Variants in IFT74 observed in about 807,000 individuals in gnomAD.
IFT74 encodes intraflagellar transport protein 74 homolog.
Under a neutral mutation model 96.7 loss-of-function variants are expected in IFT74, and 92 were observed. The ratio of observed to expected loss-of-function variants is 0.95; its 90% confidence interval spans 0.80 to 1.13. The LOEUF (loss-of-function observed/expected upper bound fraction) is 1.13. Ranked by LOEUF, IFT74 falls within the 50% of genes most tolerant of loss-of-function variation. The probability of loss-of-function intolerance (pLI) is 0.00; values close to 1 mark genes in which losing one functional copy is unlikely to be tolerated. For synonymous variants in IFT74, 223 were observed against 213.2 expected, an observed-to-expected ratio of 1.05 and a Z score of -0.40; for missense variants, 811 against 698.2, an observed-to-expected ratio of 1.16 and a Z score of -1.82.
rs942624958 is a variant in IFT74 at position 27,064,376 on chromosome 9, A to G, written c.*1640A>G. On this transcript the variant is annotated 3_prime_UTR_variant, in exon 20 of 20. Coordinates refer to ENST00000380062, the MANE Select transcript of IFT74 (RefSeq NM_025103.4). Reference sequence around the variant, plus strand: ...AAGTGCTTATAAAATTTCACAAGGGAAAAAAACTCTTTTAGCAGTTAAAGA... The same window carrying G: ...AAGTGCTTATAAAATTTCACAAGGGGAAAAAACTCTTTTAGCAGTTAAAGA... Among the ~76,000 whole-genome samples, 1 of 152,186 alleles carries G rather than the reference A, an allele frequency of 6.6e-6. No individual in the cohort carries two copies. Among genetic ancestry groups the G allele is most frequent in the African/African-American group, 2.4e-5 (1 of 41,578 alleles).
chr9:27,043,526 C>T (rs1023245935), intron 13 of IFT74, among the ~76,000 whole-genome samples: 2 of 152,150 alleles, frequency 1.3e-5, no homozygotes, highest in Non-Finnish European at 1.5e-5. Flanking sequence ...AATCATGATC[C>T]ACTCCTACTA....
intron 12 of IFT74, among the ~76,000 whole-genome samples, chr9:27,022,376 A>T (rs575029516): frequency 6.6e-5 from 10 of 152,000 alleles, no homozygotes; most frequent in Non-Finnish European, 7.4e-5. Flanking sequence ...AAGAATGATG[A>T]TGGTGAAATG....
intron 19 of IFT74, among the ~76,000 whole-genome samples, chr9:27,061,484 C>T (rs1587435539): frequency 2.6e-5 from 4 of 152,028 alleles, no homozygotes; most frequent in South Asian, 2.1e-4. Flanking sequence ...GTCTCGCCAA[C>T]TTAGCCAGGC....
At chr9:27,048,310 T>C (rs2131686748) in intron 16 of IFT74, 36 bp downstream of exon 16, 4 of 1,396,302 alleles carry the variant, frequency 2.9e-6, no homozygotes, top group South Asian at 1.4e-5. Flanking sequence ...ATTCTTTTTT[T>C]TTAAAATATA....
chr9:27,060,456 C>T (rs1467458961), intron 18 of IFT74, 135 bp from the exon 19 acceptor site: 20 of 430,444 alleles, frequency 4.6e-5, no homozygotes, highest in Non-Finnish European at 5.9e-5. Context: ...TTTTTTCTAC[C>T]GTGGCTTTAT....
At chr9:26,985,282 G>A (rs192596706) in intron 6 of IFT74, among the ~76,000 whole-genome samples, 1 of 152,010 alleles carries the variant, frequency 6.6e-6, no homozygotes, top group East Asian at 1.9e-4. Context: ...ACAGATAATG[G>A]GATCTACTTG....
chr9:27,048,166 C>A lies in IFT74; in HGVS notation c.1225C>A (p.Gln409Lys). Residue 409 changes from glutamine (Q) to lysine (K), a missense_variant, in exon 16 of 20, where the codon CAG becomes AAG. Coordinates refer to ENST00000380062, the MANE Select transcript of IFT74 (RefSeq NM_025103.4). ...HCSRNINRIE[Q>K]ISSITNQELK... Reference sequence around the variant, plus strand: ...AATGCAGAATATAAATCGTATAGAACAGATATCCTCTATCACCAATCAAGA... The same window carrying A: ...AATGCAGAATATAAATCGTATAGAAAAGATATCCTCTATCACCAATCAAGA... The A allele has an allele frequency of 6.3e-7, 1 of 1,594,292 alleles. No individual in the cohort carries two copies. The highest frequency in any genetic ancestry group is 1.7e-4 in the Middle Eastern group (1 of 5,994).
intron 18 of IFT74, 57 bp downstream of exon 18, chr9:27,056,516 ACAAT>A (rs1179207726): frequency 1.7e-5 from 24 of 1,452,628 alleles, no homozygotes; most frequent in Admixed American, 2.4e-5. Flanking sequence ...TCACCCCAAA[ACAAT>A]CAATTTTTTA....
In IFT74 at chr9:26,962,071, T is replaced by C. The variant is rs1246247812; in HGVS notation, c.104T>C (p.Ile35Thr). The change falls in exon 2 of 20, where the codon ATT becomes ACT. Residue 35 changes from isoleucine to threonine, a missense_variant. Physicochemically the swap from Ile to Thr is moderately conservative, Grantham distance 89 (BLOSUM62 -1). Transcript: ENST00000380062. Reference sequence around the variant, plus strand: ...GGGATACGACCCCTATCAGGAAATATTCGAGTGGCAACTGCAGTAAGTTTG... The same window carrying C: ...GGGATACGACCCCTATCAGGAAATACTCGAGTGGCAACTGCAGTAAGTTTG... ...PSGIRPLSGN[I>T]RVATAMPPGT... The C allele has an allele frequency of 6.2e-7, 1 of 1,614,132 alleles. No homozygotes were observed.
intron 1 of IFT74, chr9:26,947,246 A>C (rs1182560902): frequency 3.5e-6 from 2 of 575,066 alleles, no homozygotes; most frequent in African/African-American, 4.0e-5. Context: ...CAAGCCTGAC[A>C]GGCACTCCGG....
intron 17 of IFT74, 57 bp from the exon 18 acceptor site, chr9:27,056,277 T>C: frequency 1.6e-6 from 2 of 1,289,934 alleles, no homozygotes; most frequent in Non-Finnish European, 2.2e-6. Context: ...AAATATGATT[T>C]ATATTGGCTT....
rs1343247350 is a variant in IFT74, at chr9:27,009,077, A to C, written c.645A>C (p.Thr215=). ...EEEIEQEKQA[T]DDIIKNMSFE... ...AAATTGAACAGGAAAAACAAGCAAC[A>C]GATGACATTATCAAAAATATGTCTT... Residue 215 remains threonine (T), a synonymous_variant, in exon 9 of 20, where the codon ACA becomes ACC. Coordinates refer to ENST00000380062, the MANE Select transcript of IFT74 (RefSeq NM_025103.4). 6.2e-7 allele frequency: 1 copy of C among 1,613,030 alleles called. No homozygotes were observed. The highest frequency in any genetic ancestry group is 2.2e-5 in the East Asian group (1 of 44,764).
At chr9:26,988,870 T>A (rs1827750465) in intron 7 of IFT74, 142 bp downstream of exon 7, 3 of 794,702 alleles carry the variant, frequency 3.8e-6, no homozygotes, top group Non-Finnish European at 5.3e-6. Flanking sequence ...CTATTAGGTA[T>A]TCCTTGAGCT....
intron 16 of IFT74, among the ~76,000 whole-genome samples, chr9:27,048,635 T>C (rs981355311): frequency 4.6e-5 from 7 of 152,106 alleles, no homozygotes; most frequent in Admixed American, 1.3e-4. Context: ...ACAGAGGTGA[T>C]TGAGTGTTTT....
chr9:26,960,643 A>G lies in IFT74; in HGVS notation c.-19-1306A>G, dbSNP rs1387157635. Among the ~76,000 whole-genome samples, 3 of 152,232 alleles carry G rather than the reference A, an allele frequency of 2.0e-5. No individual in the cohort carries two copies. The South Asian group carries it at 6.2e-4, about 31-fold the overall frequency. On this transcript the variant is annotated intron_variant, in intron 1 of 19. Transcript: ENST00000380062. The stretch of plus-strand genomic sequence containing the variant: ...AATGTTATATTCTGATGAATAAAGG[A>G]GAGGGCTGATAAACTGGGAGAGAAT...
At chr9:27,033,526 A>C (rs1170992705) in intron 13 of IFT74, among the ~76,000 whole-genome samples, 1 of 150,292 alleles carries the variant, frequency 6.7e-6, no homozygotes, top group Non-Finnish European at 1.5e-5. Context: ...TCCAACCAAA[A>C]TCATGCCACT....
At chr9:26,972,199 C>CT (rs779077955) in intron 2 of IFT74, among the ~76,000 whole-genome samples, 108 of 151,506 alleles carry the variant, frequency 7.1e-4, no homozygotes, top group South Asian at 1.9e-3. Flanking sequence ...GTTAAATCAT[C>CT]TTTTTTTTTA....
At chr9:27,036,706 T>A in intron 13 of IFT74, 1 of 1,304,408 alleles carries the variant, frequency 7.7e-7, no homozygotes, top group Non-Finnish European at 9.7e-7. Flanking sequence ...CTCCTAAAAA[T>A]CAATTATATG....
At chr9:27,031,732 T>TAAATAAAATAAAATA (rs199561580) in intron 13 of IFT74, among the ~76,000 whole-genome samples, 1,379 of 127,914 alleles carry the variant, frequency 0.011, 20 homozygotes, top group East Asian at 0.069. Flanking sequence ...AATAAAATAA[T>TAAATAAAATAAAATA]AAATAAAATA....
Sources: allele counts gnomAD v4.1 joint callset (sites outside exome capture counted in the v4.1 genomes callset), GRCh38; gene constraint gnomAD v4.1.1; transcripts MANE v1.5; gene names NCBI Gene and HGNC (gene_info 2026-07-23, HGNC 2026-07-21).